The following ULK4 variants were observed in gnomAD, a reference collection of about 807,000 sequenced individuals.
The protein encoded by ULK4 is inactive serine/threonine-protein kinase ULK4.
ULK4 carries 133 observed loss-of-function variants against 160.6 expected under a neutral mutation model. The ratio of observed to expected loss-of-function variants is 0.83; its 90% CI spans 0.72 to 0.96. ULK4 has a LOEUF of 0.96. ULK4 is among the 40% of genes least tolerant of loss of function. ULK4 has a pLI of 0.00. For missense variants in ULK4, 1,580 were observed against 1,499.5 expected, an observed-to-expected ratio of 1.05 and a Z score of -0.89; for synonymous variants, 534 against 539.8, an observed-to-expected ratio of 0.99 and a Z score of 0.15.
chr3:41,538,407 G>GC, intron 32 of ULK4, among the ~76,000 whole-genome samples: 1 of 151,952 alleles, frequency 6.6e-6, no homozygotes, highest in Non-Finnish European at 1.5e-5. Context: ...GAAATGGCAG[G>GC]CAACAGCTGC....
chr3:41,640,730 C>G (rs1321992382), intron 30 of ULK4, among the ~76,000 whole-genome samples: 1 of 152,036 alleles, frequency 6.6e-6, no homozygotes, highest in Non-Finnish European at 1.5e-5. Context: ...TAGCAAGGAA[C>G]CTGGAAGAGA....
chr3:41,953,061 G>T (rs1279571347), intron 2 of ULK4, among the ~76,000 whole-genome samples: 1 of 151,818 alleles, frequency 6.6e-6, no homozygotes, highest in Non-Finnish European at 1.5e-5. Context: ...AAGAATTACA[G>T]TTTAATGGGT....
At chr3:41,828,365 G>C (rs1056309356) in intron 18 of ULK4, among the ~76,000 whole-genome samples, 1 of 150,498 alleles carries the variant, frequency 6.6e-6, no homozygotes, top group Non-Finnish European at 1.5e-5. Flanking sequence ...AATTGTCCCT[G>C]TTTACAGATG....
chr3:41,862,447 T>C (rs2042521697), intron 17 of ULK4, among the ~76,000 whole-genome samples: 1 of 152,152 alleles, frequency 6.6e-6, no homozygotes, highest in Middle Eastern at 3.4e-3. Context: ...CTGGATGGTG[T>C]TGATGTTAGC....
intron 36 of ULK4, among the ~76,000 whole-genome samples, chr3:41,247,947 T>C (rs1365708182): frequency 6.6e-6 from 1 of 152,222 alleles, no homozygotes; most frequent in East Asian, 1.9e-4. Flanking sequence ...CAGGAGCAAC[T>C]TCCCCGCCCA....
At chr3:41,543,399 G>T (rs1387980962) in intron 32 of ULK4, among the ~76,000 whole-genome samples, 1 of 109,620 alleles carries the variant, frequency 9.1e-6, no homozygotes, top group African/African-American at 3.3e-5. Context: ...AACTAATCCT[G>T]TAAGAAGATG....
chr3:41,792,740 A>C (rs2040186992), intron 20 of ULK4, among the ~76,000 whole-genome samples: 1 of 152,222 alleles, frequency 6.6e-6, no homozygotes, highest in Non-Finnish European at 1.5e-5. Flanking sequence ...TAAATATCAA[A>C]CTCACTTGAA....
At chr3:41,503,177 T>A (rs1366865355) in intron 32 of ULK4, among the ~76,000 whole-genome samples, 2 of 152,214 alleles carry the variant, frequency 1.3e-5, no homozygotes, top group Non-Finnish European at 2.9e-5. Context: ...TCTAAAGGAC[T>A]AAGTTAGAAT....
intron 21 of ULK4, among the ~76,000 whole-genome samples, chr3:41,777,943 C>T (rs1037774945): frequency 2.9e-5 from 4 of 139,220 alleles, no homozygotes; most frequent in Non-Finnish European, 6.2e-5. Flanking sequence ...TGCCCTCTCT[C>T]ACCACTCCTA....
intron 17 of ULK4, among the ~76,000 whole-genome samples, chr3:41,864,758 T>C (rs1267743284): frequency 1.3e-5 from 2 of 152,160 alleles, no homozygotes; most frequent in East Asian, 3.9e-4. Flanking sequence ...TTCATTTACA[T>C]TTATTCATCT....
At chr3:41,860,575 A>T (rs1000351770) in intron 17 of ULK4, among the ~76,000 whole-genome samples, 1 of 151,762 alleles carries the variant, frequency 6.6e-6, no homozygotes, top group Non-Finnish European at 1.5e-5. Context: ...GGCATGGAAT[A>T]TTTTTTTCCA....
intron 21 of ULK4, among the ~76,000 whole-genome samples, chr3:41,760,875 A>G (rs970807007): frequency 6.7e-6 from 1 of 149,904 alleles, no homozygotes; most frequent in African/African-American, 2.5e-5. Context: ...TGTACGTGAA[A>G]AAATAAACTG....
chr3:41,781,870 C>T (rs531834914), intron 21 of ULK4, among the ~76,000 whole-genome samples: 237 of 152,168 alleles, frequency 1.6e-3, no homozygotes, highest in African/African-American at 5.5e-3. Flanking sequence ...ACCCGGGAGG[C>T]GGAGGTTGCA....
intron 19 of ULK4, among the ~76,000 whole-genome samples, chr3:41,804,517 T>C (rs572005326): frequency 8.9e-4 from 134 of 151,142 alleles, no homozygotes; most frequent in Non-Finnish European, 1.6e-3. Context: ...TTGTCTTTTG[T>C]TGCCATTGCT....
At chr3:41,883,138 T>C (rs1055253704) in intron 17 of ULK4, among the ~76,000 whole-genome samples, 1 of 152,212 alleles carries the variant, frequency 6.6e-6, no homozygotes. Flanking sequence ...CCAGCTGGGA[T>C]ACTATCCCAG....
intron 19 of ULK4, among the ~76,000 whole-genome samples, chr3:41,810,335 G>A (rs1191732228): frequency 1.3e-5 from 2 of 152,108 alleles, no homozygotes; most frequent in Non-Finnish European, 2.9e-5. Context: ...TTCCATTATT[G>A]TTACTATATA....
At chr3:41,712,778 G>A (rs1441617756) in intron 25 of ULK4, among the ~76,000 whole-genome samples, 1 of 152,160 alleles carries the variant, frequency 6.6e-6, no homozygotes, top group Non-Finnish European at 1.5e-5. Context: ...TATAGTTCCA[G>A]CTACATCTGA....
At chr3:41,815,836 T>C (rs2040946433) in intron 19 of ULK4, among the ~76,000 whole-genome samples, 1 of 152,022 alleles carries the variant, frequency 6.6e-6, no homozygotes, top group South Asian at 2.1e-4. Flanking sequence ...AGATTAAAAC[T>C]CTAAATGGGA....
chr3:41,503,552 A>T (rs1157350289), intron 32 of ULK4, among the ~76,000 whole-genome samples: 1 of 152,210 alleles, frequency 6.6e-6, no homozygotes, highest in Non-Finnish European at 1.5e-5. Context: ...AAAACAGAAG[A>T]AGACATAGAT....
Sources: gnomAD v4.1 joint callset for allele counts (sites outside exome capture counted in the v4.1 genomes callset) on GRCh38, gnomAD v4.1.1 for gene constraint, MANE v1.5 for transcripts, NCBI Gene and HGNC (gene_info 2026-07-23, HGNC 2026-07-21) for gene names.